PRKCE: variants seen among roughly 807,000 people sequenced by gnomAD.
PRKCE encodes protein kinase C epsilon type.
In PRKCE, 16 loss-of-function variants were observed where a neutral mutation model predicts 85.4. That is an observed-to-expected ratio of 0.19 (90% CI 0.13 to 0.28). The LOEUF is 0.28. Among genes scored for constraint, PRKCE ranks in the 10% least tolerant of loss-of-function variants. The pLI is 1.00. For missense variants in PRKCE, 573 were observed against 975.2 expected (o/e 0.59, Z 5.49); for synonymous variants, 388 against 371.5 (o/e 1.04, Z -0.51).
chr2:46,179,478 C>A (rs1679759999), intron 14 of PRKCE, among the ~76,000 whole-genome samples: 1 of 152,170 alleles, frequency 6.6e-6, no homozygotes, highest in South Asian at 2.1e-4. Flanking sequence ...CCCTTCCTGA[C>A]TACAGACACC....
chr2:45,761,619 C>A (rs1204419741), intron 1 of PRKCE, among the ~76,000 whole-genome samples: 1 of 152,128 alleles, frequency 6.6e-6, no homozygotes, highest in Non-Finnish European at 1.5e-5. Flanking sequence ...TGGATCTGGA[C>A]TTGGGCCCCA....
intron 11 of PRKCE, among the ~76,000 whole-genome samples, chr2:46,087,150 A>C (rs1300656614): frequency 8.6e-6 from 1 of 115,898 alleles, no homozygotes; most frequent in Non-Finnish European, 1.9e-5. Flanking sequence ...ATTTTATTCT[A>C]TTCTATTCTT....
chr2:45,971,262 A>C (rs1300351180), intron 2 of PRKCE, among the ~76,000 whole-genome samples: 1 of 152,160 alleles, frequency 6.6e-6, no homozygotes, highest in Non-Finnish European at 1.5e-5. Context: ...AAGTGGTATC[A>C]TGTAGTATTT....
rs1244996109 is a variant in PRKCE, at chr2:46,041,528, G to GA, written c.1437+31013dup. ...GTGTGGAAAGTTGCAGCATTTGCAG[G>GA]AACTATGGGAATCTCAGCACATAGT... On this transcript the variant is annotated intron_variant, in intron 10 of 14. Transcript: ENST00000306156. The surrounding 1 kb of genome is among the most constrained non-coding windows in gnomAD (Gnocchi z 5.5). 6.6e-6 allele frequency among the ~76,000 whole-genome samples: 1 copy of GA among 152,164 alleles called. No individual in the cohort carries two copies. Among genetic ancestry groups the GA allele is most frequent in the African/African-American group, 2.4e-5 (1 of 41,440 alleles).
At chr2:45,655,719 C>T (rs1337320999) in intron 1 of PRKCE, among the ~76,000 whole-genome samples, 1 of 151,664 alleles carries the variant, frequency 6.6e-6, no homozygotes, top group Non-Finnish European at 1.5e-5. Flanking sequence ...GCCTGTAGTC[C>T]CAGCTACTCA....
chr2:45,948,929 C>G (rs982309871), intron 2 of PRKCE, among the ~76,000 whole-genome samples: 11 of 152,120 alleles, frequency 7.2e-5, no homozygotes, highest in Non-Finnish European at 1.5e-4. Flanking sequence ...TGATATAGAT[C>G]TGGTTCATTC....
At chr2:45,725,158 A>G (rs886497318) in intron 1 of PRKCE, among the ~76,000 whole-genome samples, 1 of 152,230 alleles carries the variant, frequency 6.6e-6, no homozygotes, top group African/African-American at 2.4e-5. Flanking sequence ...ATTCTTAAGA[A>G]TTATGCTGAT....
At chr2:45,892,811 A>G (rs1301666901) in intron 2 of PRKCE, among the ~76,000 whole-genome samples, 1 of 152,232 alleles carries the variant, frequency 6.6e-6, no homozygotes, top group Admixed American at 6.5e-5. Flanking sequence ...GATTGTCCTT[A>G]CAGCCTGCAC....
intron 1 of PRKCE, among the ~76,000 whole-genome samples, chr2:45,705,471 C>T (rs1010018542): frequency 3.9e-5 from 6 of 152,196 alleles, no homozygotes; most frequent in Non-Finnish European, 8.8e-5. Context: ...GGTGTAAACC[C>T]AGCTGTACCA....
chr2:45,899,690 A>G (rs1696426934), intron 2 of PRKCE, among the ~76,000 whole-genome samples: 1 of 152,068 alleles, frequency 6.6e-6, no homozygotes, highest in Admixed American at 6.6e-5. Context: ...GCCCCTTCCA[A>G]GTTTTAATGG....
intron 2 of PRKCE, among the ~76,000 whole-genome samples, chr2:45,909,312 C>T (rs1039740786): frequency 2.6e-5 from 4 of 152,120 alleles, no homozygotes; most frequent in African/African-American, 7.2e-5. Flanking sequence ...CCAAGTATTA[C>T]GAGGTGGTAG....
At chr2:45,755,822 G>A (rs2104782543) in intron 1 of PRKCE, among the ~76,000 whole-genome samples, 2 of 152,326 alleles carry the variant, frequency 1.3e-5, no homozygotes, top group East Asian at 3.9e-4. Flanking sequence ...TCAGACAGGG[G>A]CTGTCAAGTT....
intron 2 of PRKCE, among the ~76,000 whole-genome samples, chr2:45,886,727 TA>T (rs1438787213): frequency 2.2e-4 from 34 of 152,336 alleles, no homozygotes; most frequent in African/African-American, 6.3e-4. Context: ...GCTGATTTTT[TA>T]TGAAGCTCGT....
chr2:46,159,851 A>G lies in PRKCE; in HGVS notation c.2067+99A>G. On this transcript the variant is annotated intron_variant, in intron 14 of 14. Coordinates refer to ENST00000306156, the MANE Select transcript of PRKCE (RefSeq NM_005400.3). This position sits in a 1 kb window ranked among gnomAD's most constrained non-coding sequence, Gnocchi z 4.1. ...AGGAAGAGTTGGTCAGGGGATGCGT[A>G]TTACAGTAAAAATGACAAAGACCAG... The G allele has an allele frequency of 2.0e-6, 3 of 1,466,900 alleles. No homozygotes were observed. Among genetic ancestry groups the G allele is most frequent in the Non-Finnish European group, 2.8e-6 (3 of 1,086,278 alleles). The allele number at this position is 1,466,900 out of a possible 1,614,324, so 90.9% of individuals were successfully genotyped here. A position where few individuals can be genotyped will look rare whatever the true frequency, so the allele number is the denominator to read the frequency against.
At chr2:45,755,507 G>C (rs1009045904) in intron 1 of PRKCE, among the ~76,000 whole-genome samples, 2 of 152,146 alleles carry the variant, frequency 1.3e-5, no homozygotes, top group Non-Finnish European at 2.9e-5. Flanking sequence ...GCTGAGAAAT[G>C]CTTATTGACT....
chr2:45,944,640 C>A (rs1007243899), intron 2 of PRKCE, among the ~76,000 whole-genome samples: 2 of 146,520 alleles, frequency 1.4e-5, no homozygotes, highest in African/African-American at 5.1e-5. Context: ...AGGTGCGTGC[C>A]ACCATACCCG....
chr2:45,757,402 C>T (rs1393558360), intron 1 of PRKCE, among the ~76,000 whole-genome samples: 1 of 149,738 alleles, frequency 6.7e-6, no homozygotes, highest in Non-Finnish European at 1.5e-5. Context: ...CATCATAGTT[C>T]ATGCCTGTAA....
intron 11 of PRKCE, among the ~76,000 whole-genome samples, chr2:46,134,030 C>T (rs1674717363): frequency 6.6e-6 from 1 of 152,170 alleles, no homozygotes; most frequent in Non-Finnish European, 1.5e-5. Context: ...TTGGAGAGTG[C>T]AAGAGAATGT....
chr2:45,768,106 A>T (rs1281856773), intron 1 of PRKCE, among the ~76,000 whole-genome samples: 1 of 152,230 alleles, frequency 6.6e-6, no homozygotes, highest in Non-Finnish European at 1.5e-5. Flanking sequence ...GCCAGAGATC[A>T]TGGAGAAGAA....
Sources: allele counts gnomAD v4.1 joint callset (sites outside exome capture counted in the v4.1 genomes callset), GRCh38; gene constraint gnomAD v4.1.1; non-coding constraint Gnocchi (gnomAD v3.1); transcripts MANE v1.5; gene names NCBI Gene and HGNC (gene_info 2026-07-23, HGNC 2026-07-21).